NUP210L: variants seen among roughly 807,000 people sequenced by gnomAD.
NUP210L encodes the protein nucleoporin 210 like, also known as nuclear pore membrane glycoprotein 210-like.
Under a neutral mutation model 208.5 loss-of-function variants are expected in NUP210L, and 74 were observed. The observed-to-expected ratio is 0.35, with a 90% CI of 0.29 to 0.43. The LOEUF is 0.43. Among genes scored for constraint, NUP210L ranks in the 20% least tolerant of loss-of-function variants. NUP210L has a pLI of 1.00. For missense variants in NUP210L, 1,843 were observed against 2,289.4 expected (o/e 0.81, Z 3.98); for synonymous variants, 780 against 816.9 (o/e 0.95, Z 0.77).
intron 2 of NUP210L, among the ~76,000 whole-genome samples, chr1:154,145,412 C>T (rs560878119): frequency 2.7e-5 from 4 of 150,122 alleles, no homozygotes; most frequent in East Asian, 3.9e-4. Context: ...AGCGAGATTC[C>T]GTCTACAAAA....
intron 15 of NUP210L, among the ~76,000 whole-genome samples, chr1:154,089,938 A>G (rs1275186631): frequency 2.0e-5 from 3 of 152,116 alleles, no homozygotes; most frequent in Non-Finnish European, 4.4e-5. Flanking sequence ...TTAGCCAGGC[A>G]TGGTGGTGCA....
chr1:153,996,165 A>G lies in NUP210L; in HGVS notation c.5387-985T>C, dbSNP rs531541156. Reference sequence around the variant, plus strand: ...AAATTAGCTGGGTGTGGTGGCATGCACCTGTAGTCCCAGCTACTTGGGAGG... The same window carrying G: ...AAATTAGCTGGGTGTGGTGGCATGCGCCTGTAGTCCCAGCTACTTGGGAGG... On this transcript the variant is annotated intron_variant, in intron 37 of 39. Coordinates refer to ENST00000368559, the Ensembl canonical transcript of NUP210L. Among the ~76,000 whole-genome samples, 9 of 152,004 alleles carry G rather than the reference A, an allele frequency of 5.9e-5. No individual in the cohort carries two copies. In the South Asian group the frequency reaches 8.3e-4, roughly 14 times the overall value.
Position 154,045,959 on chromosome 1 carries a change from T to A in NUP210L, c.3696+110A>T, listed in dbSNP as rs1348094723. 3 of 1,017,828 alleles carry A rather than the reference T, an allele frequency of 2.9e-6. No homozygotes were observed. In the African/African-American group the frequency reaches 4.9e-5, roughly 17 times the overall value. 63.0% of individuals were successfully genotyped at this position (1,017,828 alleles called of 1,614,324 possible). A position where few individuals can be genotyped will look rare whatever the true frequency, so the allele number is the denominator to read the frequency against. On this transcript the variant is annotated intron_variant, in intron 27 of 39. Transcript: ENST00000368559. Reference sequence around the variant, plus strand: ...GAGATTGCACCACTGCACTCCAGCCTGGGGGACAGAGTGAGACCTCATCTC... The same window carrying A: ...GAGATTGCACCACTGCACTCCAGCCAGGGGGACAGAGTGAGACCTCATCTC...
chr1:154,123,595 G>C (rs1279062298), intron 10 of NUP210L, among the ~76,000 whole-genome samples: 5 of 152,032 alleles, frequency 3.3e-5, no homozygotes, highest in Non-Finnish European at 5.9e-5. Flanking sequence ...AGTTATTAAT[G>C]GGCCAGTTTC....
chr1:154,062,330 T>C (rs1654181974), intron 17 of NUP210L, among the ~76,000 whole-genome samples: 1 of 152,198 alleles, frequency 6.6e-6, no homozygotes, highest in African/African-American at 2.4e-5. Flanking sequence ...GAGAAAGGGA[T>C]AGTCCTTTGG....
chr1:154,018,793 G>C, intron 33 of NUP210L, 140 bp downstream of exon 33: 1 of 901,304 alleles, frequency 1.1e-6, no homozygotes, highest in Non-Finnish European at 1.7e-6. Flanking sequence ...TTAGCTTTGT[G>C]TTCCAGTAAA....
chr1:154,058,357 G>A, intron 21 of NUP210L, 141 bp from the exon 22 acceptor site: 1 of 1,067,798 alleles, frequency 9.4e-7, no homozygotes, highest in Non-Finnish European at 1.3e-6. Context: ...CTTAATCTAT[G>A]TGTATTGTTT....
chr1:154,073,393 G>A (rs776592053), intron 16 of NUP210L, among the ~76,000 whole-genome samples: 1 of 152,022 alleles, frequency 6.6e-6, no homozygotes, highest in Admixed American at 6.6e-5. Flanking sequence ...ACATATGATG[G>A]TGTGCACCTG....
At chr1:154,041,666 G>A (rs1046409324) in intron 27 of NUP210L, among the ~76,000 whole-genome samples, 5 of 149,934 alleles carry the variant, frequency 3.3e-5, no homozygotes, top group Admixed American at 6.7e-5. Flanking sequence ...GAAAAGAAAA[G>A]AAAAAAAAAC....
intron 7 of NUP210L, among the ~76,000 whole-genome samples, chr1:154,131,271 C>CAAA (rs71584177): frequency 1.7e-5 from 2 of 119,900 alleles, no homozygotes; most frequent in African/African-American, 6.6e-5. Context: ...GACTCCATCT[C>CAAA]AAAAAAAAAA....
At position 154,043,628 on chromosome 1, in the gene NUP210L, C is replaced by CTT. The variant is rs898755429; in HGVS notation, c.3696+2439_3696+2440dup. Among the ~76,000 whole-genome samples the CTT allele has an allele frequency of 5.2e-3, 681 of 131,982 alleles. 16 individuals are homozygous for CTT. Among genetic ancestry groups the CTT allele is most frequent in the Admixed American group, 0.033 (418 of 12,548 alleles). The allele number at this position is 131,982 out of a possible 152,430, so 86.6% of individuals were successfully genotyped here. On this transcript the variant is annotated intron_variant, in intron 27 of 39. Coordinates refer to ENST00000368559, the Ensembl canonical transcript of NUP210L. ...ACAGGCGTGAACCACTGCACCCGGCCTTTTTTTTTTTTTTTTGAGATAGAA... is the reference window on the plus strand; with the variant it reads ...ACAGGCGTGAACCACTGCACCCGGCCTTTTTTTTTTTTTTTTTTGAGATAGAA...
intron 29 of NUP210L, among the ~76,000 whole-genome samples, chr1:154,027,080 C>CAAAAA (rs59626984): frequency 3.0e-4 from 31 of 101,718 alleles, no homozygotes; most frequent in Middle Eastern, 5.0e-3. Context: ...GAGACTGTCT[C>CAAAAA]AAAAAAAAAA....
chr1:154,057,690 ATGTGTGTGTGTGTGTGTGTGTGTGTGTG>A (rs4060104), intron 22 of NUP210L, among the ~76,000 whole-genome samples: 1 of 125,424 alleles, frequency 8.0e-6, no homozygotes, highest in African/African-American at 3.0e-5. Flanking sequence ...AGGACCTCGA[ATGTGTGTGTGTGTGTGTGTGTGTGTGTG>A]TGTGTGTGTG....
intron 12 of NUP210L, among the ~76,000 whole-genome samples, chr1:154,113,316 T>C (rs1286648142): frequency 6.6e-6 from 1 of 151,138 alleles, no homozygotes; most frequent in Non-Finnish European, 1.5e-5. Context: ...CAGGTCTCTT[T>C]TATATACGCA....
chr1:154,152,151 ATTTTT>A (rs199972288), intron 2 of NUP210L, among the ~76,000 whole-genome samples: 1,613 of 149,480 alleles, frequency 0.011, 37 homozygotes, highest in African/African-American at 0.037. Context: ...AATACTCTTC[ATTTTT>A]ATTTTATTTT....
At chr1:154,056,700 G>A in intron 23 of NUP210L, 115 bp downstream of exon 23, 3 of 1,070,310 alleles carry the variant, frequency 2.8e-6, no homozygotes, top group Non-Finnish European at 3.9e-6. Flanking sequence ...ACATGGTGGT[G>A]TGAGCCACTG....
intron 7 of NUP210L, among the ~76,000 whole-genome samples, chr1:154,133,012 G>A (rs1658335604): frequency 6.6e-6 from 1 of 152,158 alleles, no homozygotes; most frequent in African/African-American, 2.4e-5. Flanking sequence ...CCAAAGTAGA[G>A]ACATTCTTAT....
intron 12 of NUP210L, among the ~76,000 whole-genome samples, chr1:154,113,658 C>G (rs984320826): frequency 2.7e-5 from 4 of 150,372 alleles, no homozygotes; most frequent in Non-Finnish European, 4.4e-5. Flanking sequence ...AGGAATTCAA[C>G]ACCAGCCTGG....
At chr1:154,098,385 T>C (rs1656280881) in intron 14 of NUP210L, among the ~76,000 whole-genome samples, 1 of 152,210 alleles carries the variant, frequency 6.6e-6, no homozygotes, top group Admixed American at 6.5e-5. Flanking sequence ...TATAGCTCTT[T>C]CAGCCCTGCC....
Sources: gnomAD v4.1 joint callset for allele counts (sites outside exome capture counted in the v4.1 genomes callset) on GRCh38, gnomAD v4.1.1 for gene constraint, MANE v1.5 for transcripts, NCBI Gene and HGNC (gene_info 2026-07-23, HGNC 2026-07-21) for gene names.